Variants in INTU observed in about 807,000 individuals in gnomAD.
INTU encodes the protein inturned planar cell polarity protein, also known as protein inturned.
A neutral mutation model predicts 100.5 loss-of-function variants in INTU; 68 were observed. That is an observed-to-expected ratio of 0.68 (90% CI 0.56 to 0.83). The LOEUF (loss-of-function observed/expected upper bound fraction) is 0.83, where lower values mean the gene tolerates loss of function less well. Ranked by LOEUF, INTU falls within the 40% of genes least tolerant of loss-of-function variation. The pLI is 0.00. For synonymous variants in INTU, 357 were observed against 395.7 expected, an observed-to-expected ratio of 0.90 and a Z score of 1.16; for missense variants, 1,071 against 1,114.7, an observed-to-expected ratio of 0.96 and a Z score of 0.56.
At chr4:127,695,052 A>AATATATAG (rs1254400542) in intron 8 of INTU, among the ~76,000 whole-genome samples, 2 of 152,198 alleles carry the variant, frequency 1.3e-5, no homozygotes, top group Admixed American at 1.3e-4. Flanking sequence ...GATTGCATTG[A>AATATATAG]ATATATAGAT....
chr4:127,687,620 A>G, intron 7 of INTU, 58 bp from the exon 8 acceptor site: 1 of 1,416,728 alleles, frequency 7.1e-7, no homozygotes, highest in South Asian at 1.3e-5. Context: ...TTAGGAGCAC[A>G]CAAAAAATGA....
chr4:127,688,853 AG>A (rs1218442440), intron 8 of INTU, among the ~76,000 whole-genome samples: 1 of 151,916 alleles, frequency 6.6e-6, no homozygotes, highest in African/African-American at 2.4e-5. Context: ...CATGTTCAAA[AG>A]ATGCTTTGCC....
chr4:127,716,275 GTTGT>G (rs1245411915), intron 15 of INTU, 46 bp from the exon 16 acceptor site: 3 of 840,058 alleles, frequency 3.6e-6, no homozygotes, highest in Admixed American at 2.6e-5. Flanking sequence ...TAGAGTTTTT[GTTGT>G]TTGTTGTTTT....
intron 4 of INTU, among the ~76,000 whole-genome samples, chr4:127,666,884 CA>C (rs1187985875): frequency 9.2e-5 from 14 of 152,052 alleles, no homozygotes; most frequent in African/African-American, 3.4e-4. Context: ...CTATTTTATC[CA>C]AAAGGATGCA....
In INTU at chr4:127,640,901, G is replaced by A. The variant is rs113257665; in HGVS notation, c.147-2620G>A. 8.5e-4 allele frequency among the ~76,000 whole-genome samples: 130 copies of A among 152,096 alleles called. 1 individual carries two copies. Among genetic ancestry groups the A allele is most frequent in the African/African-American group, 2.9e-3 (122 of 41,496 alleles). ...TGTTCATGTGAGAGAGAGGTAGTAA[G>A]AGAAGTATTAAGATTGTGTTCCCAT... On this transcript the variant is annotated intron_variant, in intron 1 of 15. Transcript: ENST00000335251.
At chr4:127,714,371 C>T (rs113189041) in intron 15 of INTU, among the ~76,000 whole-genome samples, 1 of 151,656 alleles carries the variant, frequency 6.6e-6, no homozygotes, top group African/African-American at 2.4e-5. Context: ...CATTTTTCCC[C>T]CTCTCTCCTT....
At chr4:127,703,473 C>T (rs1407730836) in intron 9 of INTU, among the ~76,000 whole-genome samples, 1 of 152,154 alleles carries the variant, frequency 6.6e-6, no homozygotes, top group Admixed American at 6.5e-5. Flanking sequence ...TACATTCCCA[C>T]ACACAAACCA....
intron 2 of INTU, among the ~76,000 whole-genome samples, chr4:127,644,673 A>G (rs1047926153): frequency 3.3e-5 from 5 of 152,190 alleles, no homozygotes; most frequent in African/African-American, 1.2e-4. Flanking sequence ...GTTGCTGATA[A>G]ATTTTAAGCT....
At chr4:127,641,390 A>G (rs1188340608) in intron 1 of INTU, among the ~76,000 whole-genome samples, 1 of 152,218 alleles carries the variant, frequency 6.6e-6, no homozygotes, top group East Asian at 1.9e-4. Context: ...TGACAACTGC[A>G]GACTGCCAGT....
At chr4:127,660,692 TAG>T (rs1312018506) in intron 3 of INTU, among the ~76,000 whole-genome samples, 1 of 152,152 alleles carries the variant, frequency 6.6e-6, no homozygotes, top group Non-Finnish European at 1.5e-5. Flanking sequence ...TGATGAGTCA[TAG>T]AGAGTGCGTC....
At chr4:127,714,644 G>GA (rs1293255076) in intron 15 of INTU, among the ~76,000 whole-genome samples, 1 of 152,108 alleles carries the variant, frequency 6.6e-6, no homozygotes, top group African/African-American at 2.4e-5. Flanking sequence ...TCTTGTCAGA[G>GA]ACGATCCATT....
chr4:127,673,471 C>A (rs932003740), intron 5 of INTU, among the ~76,000 whole-genome samples: 2 of 151,558 alleles, frequency 1.3e-5, no homozygotes, highest in Non-Finnish European at 2.9e-5. Context: ...TAGGTATGAT[C>A]CACTGCACCC....
intron 2 of INTU, among the ~76,000 whole-genome samples, chr4:127,649,532 T>G (rs1727739058): frequency 6.6e-6 from 1 of 152,048 alleles, no homozygotes; most frequent in South Asian, 2.1e-4. Context: ...TAATATTGCA[T>G]TATACTTACC....
intron 1 of INTU, among the ~76,000 whole-genome samples, chr4:127,637,069 T>G (rs759794245): frequency 6.6e-6 from 1 of 152,230 alleles, no homozygotes; most frequent in Non-Finnish European, 1.5e-5. Flanking sequence ...CTTACTCTTG[T>G]CTTCAGATCT....
In INTU at chr4:127,704,271, G is replaced by A; in HGVS notation, c.1547G>A (p.Gly516Glu). Residue 516 changes from glycine to glutamate, a missense_variant, in exon 10 of 16, where the codon GGG becomes GAG. By Grantham distance (98) the Gly-to-Glu change is moderately conservative. Coordinates refer to ENST00000335251, the MANE Select transcript of INTU (RefSeq NM_015693.4). ...YDMRRLYTIL[G>E]SSLFYKGYLI... ...ATGAGGCGGCTGTATACAATTTTGG[G>A]GTCTTCTCTATTTTACAAGGTAAGT... The A allele has an allele frequency of 1.2e-6, 2 of 1,610,350 alleles. No homozygotes were observed. The highest frequency in any genetic ancestry group is 1.7e-6 in the Non-Finnish European group (2 of 1,177,956).
intron 2 of INTU, 152 bp downstream of exon 2, chr4:127,644,208 A>G (rs1414616427): frequency 2.5e-6 from 2 of 811,184 alleles, no homozygotes; most frequent in Admixed American, 5.8e-5. Context: ...ATGGTTACAC[A>G]TGGTGCACTA....
intron 6 of INTU, among the ~76,000 whole-genome samples, chr4:127,676,302 C>G (rs569228818): frequency 1.3e-5 from 2 of 152,138 alleles, no homozygotes; most frequent in South Asian, 4.1e-4. Context: ...AAGTATGGCT[C>G]TACAGCCAGG....
intron 5 of INTU, among the ~76,000 whole-genome samples, chr4:127,671,352 G>T (rs1728918014): frequency 6.6e-6 from 1 of 151,894 alleles, no homozygotes; most frequent in Non-Finnish European, 1.5e-5. Flanking sequence ...TGGATAACGT[G>T]CATATGAAAA....
At chr4:127,649,537 C>T (rs952290097) in intron 2 of INTU, among the ~76,000 whole-genome samples, 2 of 151,658 alleles carry the variant, frequency 1.3e-5, no homozygotes, top group African/African-American at 2.4e-5. Context: ...TTGCATTATA[C>T]TTACCTGTTG....
Sources: allele counts gnomAD v4.1 joint callset (sites outside exome capture counted in the v4.1 genomes callset), GRCh38; gene constraint gnomAD v4.1.1; transcripts MANE v1.5; gene names NCBI Gene and HGNC (gene_info 2026-07-23, HGNC 2026-07-21).